ZDHHC13: variants seen among roughly 807,000 people sequenced by gnomAD.
The protein encoded by ZDHHC13 is zDHHC palmitoyltransferase 13.
A neutral mutation model predicts 86.0 loss-of-function variants in ZDHHC13; 85 were observed. The ratio of observed to expected loss-of-function variants is 0.99; its 90% CI spans 0.83 to 1.18. The LOEUF is 1.18. ZDHHC13 is among the 50% of genes most tolerant of loss of function. The pLI is 0.00. For missense variants in ZDHHC13, 711 were observed against 730.2 expected, an observed-to-expected ratio of 0.97 and a Z score of 0.30; for synonymous variants, 263 against 246.4, an observed-to-expected ratio of 1.07 and a Z score of -0.63.
Position 19,129,181 on chromosome 11 carries a change from A to C in ZDHHC13, c.27+11905A>C, listed in dbSNP as rs75313726. ...AAAGATTCCTTAGGATTTTCTATGC[A>C]TATGATCATGTTTTTGCAAGTAAAA... On this transcript the variant is annotated intron_variant, in intron 1 of 16. Transcript: ENST00000446113. Among the ~76,000 whole-genome samples, 5 of 152,346 alleles carry C rather than the reference A, an allele frequency of 3.3e-5. No homozygotes were observed. In the East Asian group the frequency reaches 9.6e-4, roughly 29 times the overall value.
chr11:19,170,220 A>ACATTGAGC, intron 14 of ZDHHC13, 191 bp from the exon 15 acceptor site: 2 of 1,402,898 alleles, frequency 1.4e-6, no homozygotes, highest in Non-Finnish European at 1.8e-6. Flanking sequence ...GCCTCAATTA[A>ACATTGAGC]CATTGAGCCA....
intron 14 of ZDHHC13, chr11:19,166,629 C>G (rs961304797): frequency 6.7e-6 from 2 of 298,094 alleles, no homozygotes; most frequent in African/African-American, 2.2e-5. Flanking sequence ...AATAGAAATT[C>G]ATTTAAGGCA....
intron 16 of ZDHHC13, among the ~76,000 whole-genome samples, chr11:19,174,955 C>A (rs1234406579): frequency 6.6e-6 from 1 of 152,110 alleles, no homozygotes; most frequent in African/African-American, 2.4e-5. Context: ...AGCCTCTAGG[C>A]AGAGGAGTAT....
intron 10 of ZDHHC13, among the ~76,000 whole-genome samples, chr11:19,161,367 C>T (rs190632709): frequency 6.6e-6 from 1 of 152,084 alleles, no homozygotes; most frequent in African/African-American, 2.4e-5. Context: ...CATGGTGTGG[C>T]TGCAAGGATT....
chr11:19,140,308 T>A (rs533770023), intron 1 of ZDHHC13, among the ~76,000 whole-genome samples: 1 of 152,120 alleles, frequency 6.6e-6, no homozygotes, highest in South Asian at 2.1e-4. Flanking sequence ...AAAAGACATA[T>A]GAAAAAATGC....
intron 1 of ZDHHC13, among the ~76,000 whole-genome samples, chr11:19,140,067 G>T (rs1849267560): frequency 6.7e-6 from 1 of 149,652 alleles, no homozygotes; most frequent in Non-Finnish European, 1.5e-5. Context: ...TGACAAATGG[G>T]ATCTAATTAA....
chr11:19,165,177 G>T (rs1479021949), intron 13 of ZDHHC13, 32 bp downstream of exon 13: 1 of 1,583,082 alleles, frequency 6.3e-7, no homozygotes, highest in East Asian at 2.3e-5. Context: ...TTACTACTGT[G>T]AAGTTAAGCA....
intron 1 of ZDHHC13, among the ~76,000 whole-genome samples, chr11:19,124,278 TAAG>T (rs776442790): frequency 7.2e-5 from 11 of 152,140 alleles, no homozygotes; most frequent in Non-Finnish European, 1.3e-4. Flanking sequence ...TCAATAAGTA[TAAG>T]AAGAAAATGA....
intron 3 of ZDHHC13, 92 bp downstream of exon 3, chr11:19,146,395 T>C: frequency 7.2e-7 from 1 of 1,389,394 alleles, no homozygotes; most frequent in Non-Finnish European, 9.5e-7. Context: ...TTGAACCATG[T>C]GTAATCCTCG....
At chr11:19,164,540 T>C in intron 12 of ZDHHC13, 177 bp downstream of exon 12, 1 of 624,408 alleles carries the variant, frequency 1.6e-6, no homozygotes, top group Non-Finnish European at 2.8e-6. Context: ...GAATGATGTT[T>C]ATAATCTCTT....
chr11:19,120,519 T>C (rs1848739968), intron 1 of ZDHHC13, among the ~76,000 whole-genome samples: 1 of 152,202 alleles, frequency 6.6e-6, no homozygotes, highest in Admixed American at 6.5e-5. Flanking sequence ...TTCTGAAATA[T>C]ATTATTTGTG....
intron 10 of ZDHHC13, among the ~76,000 whole-genome samples, chr11:19,160,618 T>A (rs1849883715): frequency 1.3e-5 from 2 of 151,896 alleles, no homozygotes; most frequent in South Asian, 4.1e-4. Flanking sequence ...TTGAGAAACA[T>A]GTCAGATTTT....
At chr11:19,145,532 G>A (rs540561475) in intron 2 of ZDHHC13, among the ~76,000 whole-genome samples, 5 of 152,284 alleles carry the variant, frequency 3.3e-5, no homozygotes, top group Admixed American at 6.5e-5. Context: ...TGCCTATTGC[G>A]TCTGACCTCA....
Position 19,130,113 on chromosome 11 carries a change from C to T in ZDHHC13, c.27+12837C>T, listed in dbSNP as rs528507584. ...AAAAAAAAAAGAGCTGGGAAGCATTCTCTCTTCTGTTTTCTGAAGGAGTTA... is the reference window on the plus strand; with the variant it reads ...AAAAAAAAAAGAGCTGGGAAGCATTTTCTCTTCTGTTTTCTGAAGGAGTTA... On this transcript the variant is annotated intron_variant, in intron 1 of 16. Coordinates refer to ENST00000446113, the MANE Select transcript of ZDHHC13 (RefSeq NM_019028.3). Among the ~76,000 whole-genome samples, 200 of 152,150 alleles carry T rather than the reference C, an allele frequency of 1.3e-3. 1 individual carries two copies. In the Middle Eastern group the frequency reaches 0.017, roughly 13 times the overall value.
intron 13 of ZDHHC13, 133 bp downstream of exon 13, chr11:19,165,278 C>T (rs1354212494): frequency 1.3e-6 from 1 of 775,208 alleles, no homozygotes; most frequent in Non-Finnish European, 2.1e-6. Context: ...TGGGCCCATG[C>T]ATCGTTATTA....
intron 6 of ZDHHC13, 57 bp from the exon 7 acceptor site, chr11:19,152,101 A>T: frequency 6.5e-7 from 1 of 1,547,566 alleles, no homozygotes; most frequent in Middle Eastern, 1.7e-4. Flanking sequence ...ATTTGCATTT[A>T]CTCCTTAAGT....
At chr11:19,141,516 C>T (rs145782255) in intron 1 of ZDHHC13, among the ~76,000 whole-genome samples, 4 of 152,154 alleles carry the variant, frequency 2.6e-5, no homozygotes, top group African/African-American at 7.2e-5. Context: ...AATATTTTAG[C>T]AAAGTTGTCA....
At chr11:19,133,995 A>C (rs1590064946) in intron 1 of ZDHHC13, among the ~76,000 whole-genome samples, 1 of 142,418 alleles carries the variant, frequency 7.0e-6, no homozygotes, top group East Asian at 2.0e-4. Context: ...TAATATTTTC[A>C]GATATTCAGA....
In ZDHHC13 at chr11:19,117,641, C is replaced by A; in HGVS notation, c.27+365C>A. The stretch of plus-strand genomic sequence containing the variant: ...GTGACACACCTGATTCGGACCCGCC[C>A]GTCTTGACGTTGGCCCGGAGTCGGA... On this transcript the variant is annotated intron_variant, in intron 1 of 16. Coordinates refer to ENST00000446113, the MANE Select transcript of ZDHHC13 (RefSeq NM_019028.3). This position sits in a 1 kb window ranked among gnomAD's most constrained non-coding sequence, Gnocchi z 4.2. 3.5e-6 allele frequency: 1 copy of A among 283,786 alleles called. No individual in the cohort carries two copies. The highest frequency in any genetic ancestry group is 6.5e-6 in the Non-Finnish European group (1 of 153,038). 17.6% of individuals were successfully genotyped at this position (283,786 alleles called of 1,614,324 possible).
Sources: allele counts gnomAD v4.1 joint callset (sites outside exome capture counted in the v4.1 genomes callset), GRCh38; gene constraint gnomAD v4.1.1; non-coding constraint Gnocchi (gnomAD v3.1); transcripts MANE v1.5; gene names NCBI Gene and HGNC (gene_info 2026-07-23, HGNC 2026-07-21).